Variants in SAMD3 observed in about 807,000 individuals in gnomAD.
The protein encoded by SAMD3 is sterile alpha motif domain-containing protein 3.
Under a neutral mutation model 58.5 loss-of-function variants are expected in SAMD3, and 63 were observed. The ratio of observed to expected loss-of-function variants is 1.08; its 90% CI spans 0.88 to 1.33. The LOEUF (loss-of-function observed/expected upper bound fraction) is 1.33, where lower values mean the gene tolerates loss of function less well. Among genes scored for constraint, SAMD3 ranks in the 40% most tolerant of loss-of-function variants. SAMD3 has a pLI of 0.00. For synonymous variants in SAMD3, 220 were observed against 210.3 expected (o/e 1.05, Z -0.40); for missense variants, 604 against 608.4 (o/e 0.99, Z 0.08).
rs78153272 is a variant in SAMD3 at position 130,181,310 on chromosome 6, C to T, written c.654+2793G>A. Among the ~76,000 whole-genome samples the T allele has an allele frequency of 5.7e-3, 868 of 152,206 alleles. 8 individuals are homozygous for T. The highest frequency in any genetic ancestry group is 0.018 in the African/African-American group (727 of 41,526). ...CCCTAAAAATAACCAAGTTTGTGCA[C>T]CCTTTTTCTTTCTCCACCCCTGCCT... On this transcript the variant is annotated intron_variant, in intron 7 of 11. Coordinates refer to ENST00000439090, the MANE Select transcript of SAMD3 (RefSeq NM_001017373.4).
At chr6:130,169,646 G>A (rs1256704506) in intron 8 of SAMD3, among the ~76,000 whole-genome samples, 3 of 152,160 alleles carry the variant, frequency 2.0e-5, no homozygotes, top group African/African-American at 7.2e-5. Flanking sequence ...GACCATAGCA[G>A]GGTTCATCTT....
intron 8 of SAMD3, among the ~76,000 whole-genome samples, chr6:130,172,893 T>C (rs1012565085): frequency 6.6e-6 from 1 of 152,240 alleles, no homozygotes; most frequent in Non-Finnish European, 1.5e-5. Context: ...TCTTGGAGGC[T>C]TTGTTCATTC....
At chr6:130,200,660 T>A (rs1794578474) in intron 5 of SAMD3, among the ~76,000 whole-genome samples, 1 of 151,932 alleles carries the variant, frequency 6.6e-6, no homozygotes, top group Non-Finnish European at 1.5e-5. Flanking sequence ...TTAAAATGTG[T>A]TTTAATTTAT....
intron 1 of SAMD3, among the ~76,000 whole-genome samples, chr6:130,333,044 CGTGTGTGTGTGTGTGTGTGTGTGTGT>C (rs10529435): frequency 7.0e-6 from 1 of 143,552 alleles, no homozygotes; most frequent in African/African-American, 2.5e-5. Flanking sequence ...GTTGAGTATG[CGTGTGTGTGTGTGTGTGTGTGTGTGT>C]GTGTGTGTGT....
At chr6:130,196,043 C>G (rs1256088716) in intron 5 of SAMD3, among the ~76,000 whole-genome samples, 1 of 152,186 alleles carries the variant, frequency 6.6e-6, no homozygotes, top group Non-Finnish European at 1.5e-5. Context: ...CATCCCAACC[C>G]TTTTCATTAC....
intron 5 of SAMD3, among the ~76,000 whole-genome samples, chr6:130,194,611 G>A (rs528676610): frequency 6.6e-6 from 1 of 152,198 alleles, no homozygotes; most frequent in Non-Finnish European, 1.5e-5. Context: ...CCAGGAGCTT[G>A]CTACAAGTGC....
At chr6:130,353,172 G>GGA (rs1403394813) in intron 1 of SAMD3, among the ~76,000 whole-genome samples, 1 of 152,174 alleles carries the variant, frequency 6.6e-6, no homozygotes, top group Non-Finnish European at 1.5e-5. Context: ...ATCCAGTGAT[G>GGA]GAGAGAGAGG....
intron 1 of SAMD3, among the ~76,000 whole-genome samples, chr6:130,326,334 C>T (rs1024584989): frequency 1.3e-5 from 2 of 149,208 alleles, no homozygotes; most frequent in East Asian, 3.9e-4. Context: ...ATGACTTTAC[C>T]TAGGATGTTT....
chr6:130,326,367 A>T (rs373584509), intron 1 of SAMD3, among the ~76,000 whole-genome samples: 3,002 of 128,530 alleles, frequency 0.023, 30 homozygotes, highest in Non-Finnish European at 0.031. Flanking sequence ...ATGCCTGGTC[A>T]TTTTTTTTTT....
At chr6:130,318,137 A>C (rs1776448905) in intron 1 of SAMD3, among the ~76,000 whole-genome samples, 1 of 152,198 alleles carries the variant, frequency 6.6e-6, no homozygotes, top group South Asian at 2.1e-4. Flanking sequence ...ATGGAGCCGC[A>C]ACTGGAACTT....
chr6:130,217,107 A>G (rs1217660048), intron 1 of SAMD3, among the ~76,000 whole-genome samples: 1 of 152,216 alleles, frequency 6.6e-6, no homozygotes, highest in East Asian at 1.9e-4. Flanking sequence ...AGGTTAAATT[A>G]TAACATCATA....
intron 1 of SAMD3, among the ~76,000 whole-genome samples, chr6:130,364,622 G>GT (rs773850792): frequency 2.0e-5 from 3 of 151,862 alleles, no homozygotes; most frequent in Non-Finnish European, 4.4e-5. Flanking sequence ...CTAGATGCAG[G>GT]TGGGGTAAAA....
chr6:130,291,087 C>CTTTA (rs34420626), intron 2 of SAMD3, among the ~76,000 whole-genome samples: 41,829 of 151,310 alleles, frequency 0.28, 6,198 homozygotes, highest in East Asian at 0.44. Context: ...TGACAACTGA[C>CTTTA]TTTATTTATT....
chr6:130,182,745 CT>C (rs1198597399), intron 7 of SAMD3, among the ~76,000 whole-genome samples: 1 of 152,108 alleles, frequency 6.6e-6, no homozygotes, highest in Admixed American at 6.5e-5. Context: ...GGCATTTATC[CT>C]TTGTTGTTCT....
chr6:130,284,637 C>T (rs1775095557), intron 2 of SAMD3, among the ~76,000 whole-genome samples: 1 of 152,058 alleles, frequency 6.6e-6, no homozygotes, highest in Admixed American at 6.6e-5. Context: ...GGAACATAAA[C>T]ATAAATATCA....
intron 8 of SAMD3, among the ~76,000 whole-genome samples, chr6:130,172,643 T>G (rs193182690): frequency 2.2e-4 from 34 of 152,344 alleles, no homozygotes; most frequent in African/African-American, 7.2e-4. Flanking sequence ...TTAACATTTT[T>G]TCCTTCGTTT....
chr6:130,198,835 C>T (rs559448414), intron 5 of SAMD3, among the ~76,000 whole-genome samples: 1 of 152,274 alleles, frequency 6.6e-6, no homozygotes, highest in East Asian at 1.9e-4. Flanking sequence ...AAGCATCTCA[C>T]CAGGCTTCAG....
chr6:130,312,096 C>T (rs1233166305), intron 2 of SAMD3, among the ~76,000 whole-genome samples: 1 of 152,180 alleles, frequency 6.6e-6, no homozygotes, highest in Non-Finnish European at 1.5e-5. Context: ...TCCTAATGAA[C>T]AAATTCTTGC....
chr6:130,362,160 G>A (rs959545799), intron 1 of SAMD3, among the ~76,000 whole-genome samples: 1 of 152,244 alleles, frequency 6.6e-6, no homozygotes, highest in African/African-American at 2.4e-5. Context: ...AGGGAAGTCA[G>A]AGGACATATG....
Sources: allele counts gnomAD v4.1 joint callset (sites outside exome capture counted in the v4.1 genomes callset), GRCh38; gene constraint gnomAD v4.1.1; transcripts MANE v1.5; gene names NCBI Gene and HGNC (gene_info 2026-07-23, HGNC 2026-07-21).